PPT1: variants seen among roughly 807,000 people sequenced by gnomAD.
PPT1 encodes the protein ceroid-palmitoyl-palmitoyl-protein thioesterase 1.
Under a neutral mutation model 44.0 loss-of-function variants are expected in PPT1, and 24 were observed. The ratio of observed to expected loss-of-function variants is 0.54; its 90% CI spans 0.39 to 0.77. PPT1 has a LOEUF of 0.77. Ranked by LOEUF, PPT1 falls within the 30% of genes least tolerant of loss-of-function variation. The pLI is 0.00. For missense variants in PPT1, 341 were observed against 378.8 expected (o/e 0.90, Z 0.83); for synonymous variants, 148 against 140.2 (o/e 1.06, Z -0.39).
At position 40,092,119 on chromosome 1, in the gene PPT1, A is replaced by G. The variant is rs375820734; in HGVS notation, c.288T>C (p.Cys96=). The G allele has an allele frequency of 1.5e-5, 24 of 1,614,026 alleles. No homozygotes were observed. The highest frequency in any genetic ancestry group is 1.9e-5 in the Non-Finnish European group (22 of 1,179,968). ...LNVNSQVTTV[C]QALAKDPKLQ... is the part of the protein sequence containing the mutation. ...ATTTAGGATCCTTAGCAAGTGCCTG[A>G]CACACTGTTGTTACTTGGGAATTGA... Residue 96 remains cysteine, a synonymous_variant, in exon 3 of 9, where the codon TGT becomes TGC. Transcript: ENST00000642050.
intron 5 of PPT1, among the ~76,000 whole-genome samples, chr1:40,088,970 A>C (rs1250619194): frequency 1.3e-5 from 2 of 152,068 alleles, no homozygotes; most frequent in Non-Finnish European, 2.9e-5. Context: ...TTTACAATGA[A>C]ATTGAGCAGA....
At chr1:40,082,798 C>T (rs79734981) in intron 5 of PPT1, among the ~76,000 whole-genome samples, 9 of 152,252 alleles carry the variant, frequency 5.9e-5, no homozygotes, top group African/African-American at 7.2e-5. Context: ...ATGAAGGTGG[C>T]GACCATAAAC....
At chr1:40,080,702 C>T (rs1395724727) in intron 5 of PPT1, among the ~76,000 whole-genome samples, 5 of 152,244 alleles carry the variant, frequency 3.3e-5, no homozygotes, top group South Asian at 4.1e-4. Flanking sequence ...GGTGAAACCC[C>T]GTCTCTACTA....
At chr1:40,090,465 T>A (rs1436623643) in intron 4 of PPT1, among the ~76,000 whole-genome samples, 2 of 152,182 alleles carry the variant, frequency 1.3e-5, no homozygotes, top group Non-Finnish European at 2.9e-5. Flanking sequence ...TGTATGTATG[T>A]GCATATATGT....
intron 4 of PPT1, 61 bp from the exon 5 acceptor site, chr1:40,089,573 G>T: frequency 8.4e-7 from 1 of 1,193,850 alleles, no homozygotes; most frequent in Non-Finnish European, 1.3e-6. Flanking sequence ...TACCCACTAT[G>T]CACAAGGCAC....
At position 40,079,102 on chromosome 1, in the gene PPT1, TTC is replaced by T. The variant is rs1648788821; in HGVS notation, c.628-446_628-445del. 2.0e-5 allele frequency among the ~76,000 whole-genome samples: 3 copies of T among 152,190 alleles called. No individual in the cohort carries two copies. The South Asian group carries it at 6.2e-4, about 31-fold the overall frequency. The stretch of plus-strand genomic sequence containing the variant: ...AAGTGAGAACATGTGATATTTGGTC[TTC>T]TGTTTCTGTGTTCATTTGCTTAGGA... On this transcript the variant is annotated intron_variant, in intron 6 of 8. Coordinates refer to ENST00000642050, the MANE Select transcript of PPT1 (RefSeq NM_000310.4).
chr1:40,076,365 T>C (rs1648630333), intron 8 of PPT1, among the ~76,000 whole-genome samples: 1 of 151,976 alleles, frequency 6.6e-6, no homozygotes, highest in African/African-American at 2.4e-5. Flanking sequence ...CTAAGGGGGC[T>C]GAGGCAGGAG....
rs1272899596 is a variant in PPT1, at chr1:40,072,989, T to C, written c.*1072A>G. The C allele has an allele frequency of 6.6e-6, 1 of 152,218 alleles. No individual in the cohort carries two copies. Among genetic ancestry groups the C allele is most frequent in the African/African-American group, 2.4e-5 (1 of 41,460 alleles). 9.4% of individuals were successfully genotyped at this position (152,218 alleles called of 1,614,324 possible). On this transcript the variant is annotated 3_prime_UTR_variant, in exon 9 of 9. Transcript: ENST00000642050. ...TTCCATGCTCAAATAGTGTAGGAAATGGTAGATTACGTTAGTTTTGTTTAC... is the reference window on the plus strand; with the variant it reads ...TTCCATGCTCAAATAGTGTAGGAAACGGTAGATTACGTTAGTTTTGTTTAC...
In PPT1 at chr1:40,073,807, CTG is replaced by C. The variant is rs1483175665; in HGVS notation, c.*252_*253del. 7 of 511,590 alleles carry C rather than the reference CTG, an allele frequency of 1.4e-5. No homozygotes were observed. Among genetic ancestry groups the C allele is most frequent in the African/African-American group, 3.9e-5 (2 of 51,830 alleles). 31.7% of individuals were successfully genotyped at this position (511,590 alleles called of 1,614,324 possible). ...CTGGAACAGACTCCCTTTTCTAAAA[CTG>C]AACTTGACCACATCAAAAGTTTGTA... On this transcript the variant is annotated 3_prime_UTR_variant, in exon 9 of 9. Coordinates refer to ENST00000642050, the MANE Select transcript of PPT1 (RefSeq NM_000310.4).
chr1:40,073,769 TTCTGGCACTGA>T lies in PPT1; in HGVS notation c.*281_*291del, dbSNP rs1311926205. 1.2e-5 allele frequency: 5 copies of T among 423,374 alleles called. No individual in the cohort carries two copies. Among genetic ancestry groups the T allele is most frequent in the African/African-American group, 6.1e-5 (3 of 49,434 alleles). The allele number at this position is 423,374 out of a possible 1,614,324, so 26.2% of individuals were successfully genotyped here. A position where few individuals can be genotyped will look rare whatever the true frequency, so the allele number is the denominator to read the frequency against. Reference sequence around the variant, plus strand: ...TTGTCTCCTTTGGGCCTGGGCACAGTTCTGGCACTGATCTGGAACAGACTCCCTTTTCTAAA... The same window carrying T: ...TTGTCTCCTTTGGGCCTGGGCACAGTTCTGGAACAGACTCCCTTTTCTAAA... On this transcript the variant is annotated 3_prime_UTR_variant, in exon 9 of 9. Coordinates refer to ENST00000642050, the MANE Select transcript of PPT1 (RefSeq NM_000310.4).
At chr1:40,082,730 G>A (rs1649031271) in intron 5 of PPT1, among the ~76,000 whole-genome samples, 1 of 152,260 alleles carries the variant, frequency 6.6e-6, no homozygotes, top group Admixed American at 6.5e-5. Flanking sequence ...AGATGGGGCA[G>A]CAAGTGCTGA....
intron 5 of PPT1, among the ~76,000 whole-genome samples, chr1:40,087,319 T>C (rs3122435): frequency 0.51 from 77,150 of 151,530 alleles, 21,219 homozygotes; most frequent in Non-Finnish European, 0.62. Context: ...CTCAGCTCAC[T>C]GCAACCTCCG....
chr1:40,081,180 T>A (rs1011563915), intron 5 of PPT1, among the ~76,000 whole-genome samples: 6 of 151,936 alleles, frequency 3.9e-5, no homozygotes, highest in Non-Finnish European at 8.8e-5. Flanking sequence ...ATTACAGGGG[T>A]GGGTCTTTCC....
chr1:40,078,900 G>A, intron 6 of PPT1: 1 of 473,050 alleles, frequency 2.1e-6, no homozygotes, highest in South Asian at 1.7e-5. Flanking sequence ...TGTTATAAGG[G>A]TATATTGTGT....
chr1:40,087,239 G>A (rs1346401973), intron 5 of PPT1, among the ~76,000 whole-genome samples: 1 of 151,834 alleles, frequency 6.6e-6, no homozygotes, highest in Non-Finnish European at 1.5e-5. Flanking sequence ...CTTTTAATCA[G>A]TATTTTTTAT....
chr1:40,092,167 C>T lies in PPT1; in HGVS notation c.240G>A (p.Val80=). The change falls in exon 3 of 9, where the codon GTG becomes GTA. Residue 80 remains valine, a synonymous_variant. Transcript: ENST00000642050. Reference sequence around the variant, plus strand: ...TGACATTCAAGAAGAAGCTGTTCTCCACGTCCTAAAAAAGAAGCCAGAGAG... The same window carrying T: ...TGACATTCAAGAAGAAGCTGTTCTCTACGTCCTAAAAAAGAAGCCAGAGAG... ...LEIGKTLMED[V]ENSFFLNVNS... 1.9e-6 allele frequency: 3 copies of T among 1,614,134 alleles called. No homozygotes were observed. Among genetic ancestry groups the T allele is most frequent in the Non-Finnish European group, 2.5e-6 (3 of 1,179,998 alleles).
Position 40,076,907 on chromosome 1 carries a change from CA to C in PPT1, c.732del (p.Phe244LeufsTer28). The C allele has an allele frequency of 6.2e-7, 1 of 1,614,114 alleles. No individual in the cohort carries two copies. On this transcript the variant is annotated frameshift_variant, in exon 8 of 9. Transcript: ENST00000642050. LOFTEE classifies it high-confidence loss of function. ...SIVDPVDSEW[F>X]GFYRSGQAKE... is the part of the protein sequence containing the mutation. The stretch of plus-strand genomic sequence containing the variant: ...TTGGCTTGGCCACTTCTGTAAAATC[CA>C]AACCACTGCAGAAGAAGCAAAGGAA...
intron 1 of PPT1, among the ~76,000 whole-genome samples, chr1:40,094,255 A>G (rs1649727616): frequency 6.6e-6 from 1 of 152,126 alleles, no homozygotes. Context: ...ATTTTTCAAA[A>G]CTGTTCCACC....
rs376715840 is a variant in PPT1, at chr1:40,080,438, G to A, written c.586C>T (p.Arg196Cys). Residue 196 changes from arginine to cysteine, a missense_variant, in exon 6 of 9, where the codon CGC becomes TGC. Arg to Cys is a radical substitution (Grantham distance 180, BLOSUM62 -3). Coordinates refer to ENST00000642050, the MANE Select transcript of PPT1 (RefSeq NM_000310.4). ...TCTGCCAAGAAGATGCTGTGGTTGC[G>A]ATACACATCCTCCTTTATGGGGTCA... The part of the protein sequence containing the change: ...WHDPIKEDVY[R>C]NHSIFLADIN... 1.2e-5 allele frequency: 20 copies of A among 1,613,856 alleles called. No individual in the cohort carries two copies. Among genetic ancestry groups the A allele is most frequent in the Middle Eastern group, 3.3e-4 (2 of 6,084 alleles).
Sources: allele counts gnomAD v4.1 joint callset (sites outside exome capture counted in the v4.1 genomes callset), GRCh38; gene constraint gnomAD v4.1.1; transcripts MANE v1.5; gene names NCBI Gene and HGNC (gene_info 2026-07-23, HGNC 2026-07-21).